Variants in PLCXD3 observed in about 807,000 individuals in gnomAD.
PLCXD3 encodes the protein PI-PLC X domain-containing protein 3.
A neutral mutation model predicts 25.5 loss-of-function variants in PLCXD3; 19 were observed. That is an observed-to-expected ratio of 0.75 (90% CI 0.52 to 1.09). PLCXD3 has a LOEUF of 1.09. Ranked by LOEUF, PLCXD3 falls within the 50% of genes least tolerant of loss-of-function variation. The pLI is 0.00. For synonymous variants in PLCXD3, 174 were observed against 137.6 expected, an observed-to-expected ratio of 1.26 and a Z score of -1.85; for missense variants, 411 against 388.1, an observed-to-expected ratio of 1.06 and a Z score of -0.50.
chr5:41,445,987 A>C (rs1747486712), intron 1 of PLCXD3, among the ~76,000 whole-genome samples: 1 of 151,846 alleles, frequency 6.6e-6, no homozygotes, highest in African/African-American at 2.4e-5. Flanking sequence ...GGGGATCGAG[A>C]CTATCCTGGC....
chr5:41,492,401 C>T (rs1239955882), intron 1 of PLCXD3, among the ~76,000 whole-genome samples: 1 of 151,874 alleles, frequency 6.6e-6, no homozygotes, highest in Non-Finnish European at 1.5e-5. Flanking sequence ...GTGAATCTGA[C>T]AATTATGTGT....
chr5:41,371,966 C>A (rs750082268), intron 2 of PLCXD3, among the ~76,000 whole-genome samples: 1 of 152,076 alleles, frequency 6.6e-6, no homozygotes, highest in Non-Finnish European at 1.5e-5. Context: ...AAATTCCAAA[C>A]GAATCTCCCT....
intron 1 of PLCXD3, among the ~76,000 whole-genome samples, chr5:41,406,940 G>A (rs1160001124): frequency 2.0e-5 from 3 of 151,044 alleles, no homozygotes; most frequent in Non-Finnish European, 2.9e-5. Flanking sequence ...CATTCAACTC[G>A]CCTAAAGGAA....
chr5:41,408,810 C>T (rs1719825048), intron 1 of PLCXD3, among the ~76,000 whole-genome samples: 1 of 152,154 alleles, frequency 6.6e-6, no homozygotes, highest in African/African-American at 2.4e-5. Flanking sequence ...TATATTTCTA[C>T]ATTTGTAACG....
At chr5:41,317,494 G>A (rs1238774645) in intron 2 of PLCXD3, among the ~76,000 whole-genome samples, 2 of 152,014 alleles carry the variant, frequency 1.3e-5, no homozygotes, top group African/African-American at 4.8e-5. Flanking sequence ...TCTGGGGAAA[G>A]GTGACCTCAC....
At chr5:41,364,522 C>A (rs1744881740) in intron 2 of PLCXD3, among the ~76,000 whole-genome samples, 1 of 152,094 alleles carries the variant, frequency 6.6e-6, no homozygotes, top group Non-Finnish European at 1.5e-5. Flanking sequence ...ATCTTAAAAG[C>A]CTAATTGGCA....
intron 1 of PLCXD3, among the ~76,000 whole-genome samples, chr5:41,456,387 C>T (rs1242243547): frequency 1.3e-5 from 2 of 151,756 alleles, no homozygotes; most frequent in Non-Finnish European, 2.9e-5. Context: ...ACAAAACATT[C>T]TGTGTTCTGC....
chr5:41,364,881 G>A (rs1025288464), intron 2 of PLCXD3, among the ~76,000 whole-genome samples: 1 of 152,174 alleles, frequency 6.6e-6, no homozygotes, highest in African/African-American at 2.4e-5. Flanking sequence ...CATGTAAACT[G>A]TGCAGGACAG....
At chr5:41,356,307 G>T (rs551066350) in intron 2 of PLCXD3, among the ~76,000 whole-genome samples, 1 of 152,242 alleles carries the variant, frequency 6.6e-6, no homozygotes, top group South Asian at 2.1e-4. Context: ...ATGTTCATGT[G>T]CCTGAGAAAT....
rs1580386735 is a variant in PLCXD3, at chr5:41,465,916, T to A, written c.103+44508A>T. ...AATTAAATGAGTTTTTAAGCCCCAA[T>A]TTTCTTAACTCACAAAACAAGATCT... On this transcript the variant is annotated intron_variant, in intron 1 of 2. Coordinates refer to ENST00000377801, the MANE Select transcript of PLCXD3 (RefSeq NM_001005473.3). 2.0e-5 allele frequency among the ~76,000 whole-genome samples: 3 copies of A among 152,244 alleles called. No individual in the cohort carries two copies. The East Asian group carries it at 5.8e-4, about 29-fold the overall frequency.
At chr5:41,375,068 G>T (rs533551558) in intron 2 of PLCXD3, among the ~76,000 whole-genome samples, 1 of 152,192 alleles carries the variant, frequency 6.6e-6, no homozygotes, top group East Asian at 1.9e-4. Context: ...AAATTGGGCA[G>T]TAGGAGGGTT....
At chr5:41,402,029 C>A (rs916279209) in intron 1 of PLCXD3, among the ~76,000 whole-genome samples, 12 of 151,848 alleles carry the variant, frequency 7.9e-5, no homozygotes, top group African/African-American at 2.9e-4. Context: ...ATTTTATTGA[C>A]ATTTCCTAAG....
intron 1 of PLCXD3, among the ~76,000 whole-genome samples, chr5:41,404,644 A>C (rs1044965645): frequency 6.6e-5 from 10 of 152,156 alleles, no homozygotes; most frequent in African/African-American, 2.4e-4. Context: ...TATTAATAAA[A>C]CTTGTATATG....
chr5:41,314,621 G>T, intron 2 of PLCXD3, among the ~76,000 whole-genome samples: 1 of 152,182 alleles, frequency 6.6e-6, no homozygotes, highest in Non-Finnish European at 1.5e-5. Flanking sequence ...AGACAAGGGA[G>T]TTAGTCATGT....
intron 2 of PLCXD3, among the ~76,000 whole-genome samples, chr5:41,315,877 A>T (rs902115782): frequency 3.3e-5 from 5 of 152,232 alleles, no homozygotes; most frequent in Admixed American, 2.0e-4. Context: ...CCAGAGAGGG[A>T]ATCACAGATC....
intron 1 of PLCXD3, among the ~76,000 whole-genome samples, chr5:41,500,453 T>G (rs191642594): frequency 6.6e-6 from 1 of 151,716 alleles, no homozygotes; most frequent in African/African-American, 2.4e-5. Context: ...GGAGAGATAA[T>G]GAGAAATTAA....
At chr5:41,384,362 G>GT (rs1458192986) in intron 1 of PLCXD3, among the ~76,000 whole-genome samples, 4 of 152,074 alleles carry the variant, frequency 2.6e-5, no homozygotes, top group African/African-American at 9.7e-5. Context: ...ACAAAGAAGT[G>GT]TGTCTACAGA....
intron 1 of PLCXD3, among the ~76,000 whole-genome samples, chr5:41,475,895 A>G (rs2150521414): frequency 6.6e-6 from 1 of 152,360 alleles, no homozygotes; most frequent in Non-Finnish European, 1.5e-5. Flanking sequence ...AGGAAAAGAG[A>G]GTTCTCTGCT....
intron 2 of PLCXD3, among the ~76,000 whole-genome samples, chr5:41,376,005 A>AT (rs1745283399): frequency 6.6e-6 from 1 of 152,120 alleles, no homozygotes; most frequent in Non-Finnish European, 1.5e-5. Flanking sequence ...ATGGACACAA[A>AT]TCATGTAGCG....
Sources: allele counts gnomAD v4.1 joint callset (sites outside exome capture counted in the v4.1 genomes callset), GRCh38; gene constraint gnomAD v4.1.1; transcripts MANE v1.5; gene names NCBI Gene and HGNC (gene_info 2026-07-23, HGNC 2026-07-21).